Variants in DLGAP1 observed in about 807,000 individuals in gnomAD.
The protein encoded by DLGAP1 is disks large-associated protein 1.
In DLGAP1, 11 loss-of-function variants were observed where a neutral mutation model predicts 90.8. The ratio of observed to expected loss-of-function variants is 0.12; its 90% CI spans 0.08 to 0.20. The LOEUF is 0.20. Among genes scored for constraint, DLGAP1 ranks in the 10% least tolerant of loss-of-function variants. The pLI is 1.00. For synonymous variants in DLGAP1, 558 were observed against 540.7 expected (o/e 1.03, Z -0.44); for missense variants, 1,050 against 1,333.8 (o/e 0.79, Z 3.31).
chr18:3,838,526 G>A (rs982309632), intron 4 of DLGAP1, among the ~76,000 whole-genome samples: 6 of 152,220 alleles, frequency 3.9e-5, no homozygotes, highest in African/African-American at 1.4e-4. Context: ...TTGATAGAGA[G>A]CAGCACTCTT....
chr18:3,769,585 G>A (rs368452067), intron 5 of DLGAP1, among the ~76,000 whole-genome samples: 14 of 152,266 alleles, frequency 9.2e-5, no homozygotes, highest in African/African-American at 3.4e-4. Context: ...AGAGAACTAT[G>A]CTGAATGAAG....
chr18:3,575,520 G>C (rs530627483), intron 8 of DLGAP1, among the ~76,000 whole-genome samples: 6 of 152,274 alleles, frequency 3.9e-5, no homozygotes, highest in African/African-American at 1.4e-4. Context: ...GAGACTAAAA[G>C]ACAATGTAAC....
chr18:4,438,135 G>A (rs2083447557), intron 1 of DLGAP1, among the ~76,000 whole-genome samples: 1 of 152,076 alleles, frequency 6.6e-6, no homozygotes, highest in Admixed American at 6.6e-5. Flanking sequence ...CACCTCCCAT[G>A]GGGCCCAGTG....
chr18:3,779,737 G>A lies in DLGAP1; in HGVS notation c.1172+34322C>T, dbSNP rs146158703. 2.8e-3 allele frequency among the ~76,000 whole-genome samples: 430 copies of A among 151,240 alleles called. 2 individuals are homozygous for A. The highest frequency in any genetic ancestry group is 9.4e-3 in the African/African-American group (388 of 41,252). On this transcript the variant is annotated intron_variant, in intron 5 of 12. Transcript: ENST00000315677. Reference sequence around the variant, plus strand: ...TTCATCTTTTCCACATCTTTAATGGGCTATTATATAGAGTGGTCAGTGCAC... The same window carrying A: ...TTCATCTTTTCCACATCTTTAATGGACTATTATATAGAGTGGTCAGTGCAC...
intron 2 of DLGAP1, among the ~76,000 whole-genome samples, chr18:4,010,684 C>T (rs1488244322): frequency 6.6e-6 from 1 of 152,076 alleles, no homozygotes; most frequent in Non-Finnish European, 1.5e-5. Context: ...ATTTTCAATG[C>T]TATTGGTCCT....
chr18:3,622,265 C>T (rs980314961), intron 7 of DLGAP1, among the ~76,000 whole-genome samples: 12 of 151,946 alleles, frequency 7.9e-5, no homozygotes, highest in Non-Finnish European at 1.2e-4. Context: ...CCAACACGCC[C>T]GGCTAATTTT....
chr18:3,756,300 C>T (rs149758041), intron 5 of DLGAP1, among the ~76,000 whole-genome samples: 33 of 152,146 alleles, frequency 2.2e-4, no homozygotes, highest in African/African-American at 6.3e-4. Flanking sequence ...CTGCTCGCCT[C>T]GGCCTTCCAA....
intron 7 of DLGAP1, among the ~76,000 whole-genome samples, chr18:3,616,142 A>C (rs2057853702): frequency 6.6e-6 from 1 of 152,202 alleles, no homozygotes; most frequent in Non-Finnish European, 1.5e-5. Flanking sequence ...TTAGAGGTGC[A>C]GCTAAAGTTG....
intron 1 of DLGAP1, among the ~76,000 whole-genome samples, chr18:4,247,831 T>C (rs1408363523): frequency 6.6e-6 from 1 of 152,170 alleles, no homozygotes; most frequent in Non-Finnish European, 1.5e-5. Context: ...TGTAACGATA[T>C]TGCAGTCAAG....
intron 3 of DLGAP1, among the ~76,000 whole-genome samples, chr18:3,897,940 G>T (rs574321191): frequency 6.6e-6 from 1 of 151,532 alleles, no homozygotes; most frequent in South Asian, 2.1e-4. Flanking sequence ...GACTACAGGC[G>T]CCCGCCACCG....
chr18:3,875,611 C>T (rs917681315), intron 4 of DLGAP1, among the ~76,000 whole-genome samples: 4 of 152,284 alleles, frequency 2.6e-5, no homozygotes, highest in Middle Eastern at 3.4e-3. Flanking sequence ...GTTACTTAAC[C>T]TAATTTACGA....
At chr18:4,399,237 TA>T (rs978599193) in intron 1 of DLGAP1, among the ~76,000 whole-genome samples, 1 of 152,238 alleles carries the variant, frequency 6.6e-6, no homozygotes, top group African/African-American at 2.4e-5. Flanking sequence ...CTTCTATGTT[TA>T]AAAAACTATT....
intron 1 of DLGAP1, among the ~76,000 whole-genome samples, chr18:4,424,928 G>T (rs116727824): frequency 0.014 from 2,123 of 151,990 alleles, 49 homozygotes; most frequent in African/African-American, 0.047. Context: ...TCCACTGAAA[G>T]AAACTTCTTT....
chr18:4,012,836 C>A (rs1309642556), intron 2 of DLGAP1, among the ~76,000 whole-genome samples: 1 of 151,502 alleles, frequency 6.6e-6, no homozygotes, highest in Non-Finnish European at 1.5e-5. Context: ...GTAGCTGGGA[C>A]CACAGGCATG....
intron 3 of DLGAP1, among the ~76,000 whole-genome samples, chr18:3,974,237 G>T (rs1210424928): frequency 6.6e-6 from 1 of 151,968 alleles, no homozygotes; most frequent in Non-Finnish European, 1.5e-5. Flanking sequence ...ACGACACCTG[G>T]CTAATTTTTT....
At chr18:4,448,887 C>A (rs1388618452) in intron 1 of DLGAP1, among the ~76,000 whole-genome samples, 1 of 152,166 alleles carries the variant, frequency 6.6e-6, no homozygotes, top group East Asian at 1.9e-4. Context: ...GCAAGAAAGG[C>A]AGTTGTAGCT....
intron 1 of DLGAP1, among the ~76,000 whole-genome samples, chr18:4,215,256 C>T (rs1006705045): frequency 1.3e-5 from 2 of 152,208 alleles, no homozygotes; most frequent in African/African-American, 4.8e-5. Context: ...TATACATCAA[C>T]TCAGAGGTAT....
At chr18:4,133,837 C>T (rs905209854) in intron 2 of DLGAP1, among the ~76,000 whole-genome samples, 8 of 151,836 alleles carry the variant, frequency 5.3e-5, no homozygotes, top group African/African-American at 1.7e-4. Context: ...TGAGGTCCTG[C>T]GTGAGGATGG....
chr18:4,429,719 T>C (rs2083240846), intron 1 of DLGAP1, among the ~76,000 whole-genome samples: 1 of 152,096 alleles, frequency 6.6e-6, no homozygotes, highest in Non-Finnish European at 1.5e-5. Context: ...TTGCACGTAT[T>C]TATCATGAAA....
Sources: allele counts gnomAD v4.1 joint callset (sites outside exome capture counted in the v4.1 genomes callset), GRCh38; gene constraint gnomAD v4.1.1; transcripts MANE v1.5; gene names NCBI Gene and HGNC (gene_info 2026-07-23, HGNC 2026-07-21).